ITPR2: variants seen among roughly 807,000 people sequenced by gnomAD.
The protein encoded by ITPR2 is inositol 1,4,5-trisphosphate receptor type 2, also known as inositol 1,4,5-trisphosphate-gated calcium channel ITPR2.
A neutral mutation model predicts 317.1 loss-of-function variants in ITPR2; 207 were observed. The observed-to-expected ratio is 0.65, with a 90% CI of 0.58 to 0.73. ITPR2 has a LOEUF of 0.73. Among genes scored for constraint, ITPR2 ranks in the 30% least tolerant of loss-of-function variants. The probability of loss-of-function intolerance (pLI) is 0.00; values close to 1 mark genes in which losing one functional copy is unlikely to be tolerated. For synonymous variants in ITPR2, 1,156 were observed against 1,149.1 expected (o/e 1.01, Z -0.12); for missense variants, 2,613 against 3,284.0 (o/e 0.80, Z 4.99).
intron 1 of ITPR2, among the ~76,000 whole-genome samples, chr12:26,829,593 C>T (rs1332835312): frequency 6.6e-6 from 1 of 152,140 alleles, no homozygotes; most frequent in Non-Finnish European, 1.5e-5. Flanking sequence ...TTGTCTTATT[C>T]TATAAAGAGA....
At chr12:26,443,326 T>A (rs1197387137) in intron 46 of ITPR2, among the ~76,000 whole-genome samples, 6 of 142,394 alleles carry the variant, frequency 4.2e-5, no homozygotes, top group South Asian at 2.4e-4. Flanking sequence ...CAAAAAAAAA[T>A]TTTACATATA....
intron 5 of ITPR2, among the ~76,000 whole-genome samples, chr12:26,719,923 T>A (rs1948805465): frequency 6.6e-6 from 1 of 152,074 alleles, no homozygotes; most frequent in Non-Finnish European, 1.5e-5. Flanking sequence ...AGAACCCAAG[T>A]TTTCTTAGAT....
intron 2 of ITPR2, among the ~76,000 whole-genome samples, chr12:26,785,710 T>C (rs1950225159): frequency 3.7e-5 from 1 of 27,162 alleles, no homozygotes; most frequent in Non-Finnish European, 8.5e-5. Context: ...GGTGGGGGGA[T>C]CAGTCCCCCG....
chr12:26,415,353 T>C lies in ITPR2; in HGVS notation c.7256A>G (p.Asp2419Gly). 2 of 1,612,310 alleles carry C rather than the reference T, an allele frequency of 1.2e-6. No homozygotes were observed. Among genetic ancestry groups the C allele is most frequent in the Non-Finnish European group, 1.7e-6 (2 of 1,179,072 alleles). ...CCTATCAACTTCCATAGTGAAGTCA[T>C]CCTTCAAAAAAAGGAACCCAATAAT... ...FSIIGFLFLK[D>G]DFTMEVDRLK... Residue 2419 changes from aspartate (D) to glycine (G), a missense_variant, in exon 51 of 57, where the codon GAT becomes GGT. Asp to Gly is a moderately conservative substitution (Grantham distance 94). Transcript: ENST00000381340.
chr12:26,809,889 T>A (rs553494367), intron 1 of ITPR2, among the ~76,000 whole-genome samples: 10 of 152,370 alleles, frequency 6.6e-5, no homozygotes, highest in African/African-American at 2.4e-4. Context: ...TTTTCAGTTT[T>A]CTTAGCTTTG....
At chr12:26,549,375 A>AT (rs1944468184) in intron 37 of ITPR2, among the ~76,000 whole-genome samples, 1 of 152,218 alleles carries the variant, frequency 6.6e-6, no homozygotes, top group African/African-American at 2.4e-5. Context: ...TTTCCATTGC[A>AT]TTTTTTTCTA....
chr12:26,544,826 G>A (rs1055982325), intron 37 of ITPR2, among the ~76,000 whole-genome samples: 1 of 152,050 alleles, frequency 6.6e-6, no homozygotes, highest in African/African-American at 2.4e-5. Context: ...AAATCCAGCT[G>A]GTTAGGCATT....
chr12:26,665,775 C>T, intron 14 of ITPR2, 135 bp downstream of exon 14: 2 of 751,634 alleles, frequency 2.7e-6, no homozygotes, highest in South Asian at 3.8e-5. Flanking sequence ...AACTGTGAGA[C>T]AAGAAGTATC....
At position 26,428,025 on chromosome 12, in the gene ITPR2, A is replaced by G. The variant is rs181133917; in HGVS notation, c.6833T>C (p.Leu2278Pro). The part of the protein sequence containing the change: ...WIAVAICTSM[L>P]FFFSKPVGIR... ...ACCCACAGGCTTGGAGAAGAAAAAC[A>G]GCATAGATGTGCAGATCGCAACTGC... Residue 2278 changes from leucine to proline, a missense_variant, in exon 49 of 57, where the codon CTG becomes CCG. Leu to Pro is a moderately conservative substitution (Grantham distance 98, BLOSUM62 -3). This residue lies in a region of ITPR2 where 926 missense variants were observed against 1,072.8 expected (regional missense o/e 0.86). Transcript: ENST00000381340. The G allele has an allele frequency of 1.5e-4, 242 of 1,613,226 alleles. No individual in the cohort carries two copies. The highest frequency in any genetic ancestry group is 2.0e-4 in the Non-Finnish European group (233 of 1,179,494).
chr12:26,684,117 C>G (rs1464204448), intron 11 of ITPR2, among the ~76,000 whole-genome samples: 1 of 152,198 alleles, frequency 6.6e-6, no homozygotes, highest in Non-Finnish European at 1.5e-5. Flanking sequence ...GTTCAAATAA[C>G]TAGAAATTCT....
In ITPR2 at chr12:26,336,548, T is replaced by C. The variant is rs927232232; in HGVS notation, c.*2849A>G. The C allele has an allele frequency of 7.2e-5, 11 of 152,226 alleles. No homozygotes were observed. The highest frequency in any genetic ancestry group is 2.4e-4 in the African/African-American group (10 of 41,456). The allele number at this position is 152,226 out of a possible 1,614,324, so 9.4% of individuals were successfully genotyped here. On this transcript the variant is annotated 3_prime_UTR_variant, in exon 57 of 57. Coordinates refer to ENST00000381340, the MANE Select transcript of ITPR2 (RefSeq NM_002223.4). Reference sequence around the variant, plus strand: ...ACATACAATTTATTTATTTATATTATAGCCCTGTATGATACAAGCATTTTC... The same window carrying C: ...ACATACAATTTATTTATTTATATTACAGCCCTGTATGATACAAGCATTTTC...
At chr12:26,511,969 C>T (rs1266162851) in intron 37 of ITPR2, among the ~76,000 whole-genome samples, 2 of 152,186 alleles carry the variant, frequency 1.3e-5, no homozygotes, top group Admixed American at 6.5e-5. Context: ...AAACATCTGT[C>T]ATCCTAAACA....
intron 2 of ITPR2, among the ~76,000 whole-genome samples, chr12:26,731,575 T>C (rs1459937240): frequency 6.6e-6 from 1 of 152,138 alleles, no homozygotes; most frequent in African/African-American, 2.4e-5. Context: ...TAAAGGGGGA[T>C]TGCTTGAAGC....
At chr12:26,509,645 C>T (rs1320650020) in intron 37 of ITPR2, among the ~76,000 whole-genome samples, 2 of 152,100 alleles carry the variant, frequency 1.3e-5, no homozygotes, top group Admixed American at 1.3e-4. Context: ...GCTCAAATTG[C>T]TAATTAAACA....
rs78999001 is a variant in ITPR2 at position 26,568,689 on chromosome 12, C to G, written c.4631-6737G>C. Among the ~76,000 whole-genome samples, 1,403 of 152,144 alleles carry G rather than the reference C, an allele frequency of 9.2e-3. 21 individuals carry two copies. Among genetic ancestry groups the G allele is most frequent in the African/African-American group, 0.032 (1,349 of 41,518 alleles). On this transcript the variant is annotated intron_variant, in intron 34 of 56. Coordinates refer to ENST00000381340, the MANE Select transcript of ITPR2 (RefSeq NM_002223.4). Reference sequence around the variant, plus strand: ...ACTGACAGGTAGGGGGGAAAGGCAACAGAAAGTGTAAGCATTAATTAGAAA... The same window carrying G: ...ACTGACAGGTAGGGGGGAAAGGCAAGAGAAAGTGTAAGCATTAATTAGAAA...
Position 26,832,703 on chromosome 12 carries a change from T to A in ITPR2, c.79A>T (p.Ile27Phe). Reference protein sequence around the residue: ...LYAEGSVNGFISTLGLVDDRC... With the variant: ...LYAEGSVNGFFSTLGLVDDRC... ...TCTCCCGCTTACCCCAAGGTGCTGA[T>A]GAAGCCGTTGACCGAGCCCTCCGCG... The change falls in exon 1 of 57, where the codon ATC becomes TTC. Residue 27 changes from isoleucine (I) to phenylalanine (F), a missense_variant. Ile to Phe is a conservative substitution (Grantham distance 21). This residue lies in a region of ITPR2 where 515 missense variants were observed against 789.4 expected (regional missense o/e 0.65). Transcript: ENST00000381340. 1 of 1,599,666 alleles carries A rather than the reference T, an allele frequency of 6.3e-7. No homozygotes were observed. Among genetic ancestry groups the A allele is most frequent in the Non-Finnish European group, 8.5e-7 (1 of 1,173,888 alleles).
intron 13 of ITPR2, among the ~76,000 whole-genome samples, chr12:26,670,700 T>G (rs10842770): frequency 0.57 from 86,144 of 151,928 alleles, 24,706 homozygotes; most frequent in East Asian, 0.66. Flanking sequence ...GCTGGACGGA[T>G]AATGACTTTT....
chr12:26,652,984 T>C (rs1947289480), intron 21 of ITPR2, among the ~76,000 whole-genome samples: 2 of 152,238 alleles, frequency 1.3e-5, no homozygotes, highest in Non-Finnish European at 2.9e-5. Context: ...CCATTGAATA[T>C]ATTGTATACA....
intron 45 of ITPR2, among the ~76,000 whole-genome samples, chr12:26,451,566 G>A (rs1229985103): frequency 6.6e-6 from 1 of 151,978 alleles, no homozygotes; most frequent in African/African-American, 2.4e-5. Flanking sequence ...ATCCACTATG[G>A]TTCTTAGAGA....
Sources: gnomAD v4.1 joint callset for allele counts (sites outside exome capture counted in the v4.1 genomes callset) on GRCh38, gnomAD v4.1.1 for gene constraint, gnomAD v4.1.1 regional missense constraint, MANE v1.5 for transcripts, NCBI Gene and HGNC (gene_info 2026-07-23, HGNC 2026-07-21) for gene names.